Variants in KLF12 observed in about 807,000 individuals in gnomAD.
KLF12 encodes the protein KLF transcription factor 12.
KLF12 carries 9 observed loss-of-function variants against 37.8 expected under a neutral mutation model. The observed-to-expected ratio is 0.24, with a 90% CI of 0.14 to 0.42. KLF12 has a LOEUF of 0.42. Among genes scored for constraint, KLF12 ranks in the 10% least tolerant of loss-of-function variants. The pLI is 1.00. For synonymous variants in KLF12, 208 were observed against 202.1 expected, an observed-to-expected ratio of 1.03 and a Z score of -0.25; for missense variants, 411 against 516.0, an observed-to-expected ratio of 0.80 and a Z score of 1.97.
At chr13:74,025,419 T>C (rs1160605721) in intron 1 of KLF12, among the ~76,000 whole-genome samples, 1 of 152,200 alleles carries the variant, frequency 6.6e-6, no homozygotes, top group East Asian at 1.9e-4. Flanking sequence ...TCTCTGTTGC[T>C]AATCGACTCA....
chr13:74,102,535 T>C (rs1193258356), intron 1 of KLF12, among the ~76,000 whole-genome samples: 3 of 151,752 alleles, frequency 2.0e-5, no homozygotes, highest in Non-Finnish European at 4.4e-5. Flanking sequence ...CTGTCTCTAC[T>C]AAAAATACAA....
At chr13:74,254,719 A>G in the KLF12 span, among the ~76,000 whole-genome samples, 3 of 152,282 alleles carry the variant, frequency 2.0e-5, no homozygotes, top group East Asian at 5.8e-4. Flanking sequence ...GACTCCTTAA[A>G]CAGAATAAAT....
At chr13:74,112,384 TTGTCTGTGTGTGTGTG>T (rs1336587665) in intron 1 of KLF12, among the ~76,000 whole-genome samples, 2 of 145,166 alleles carry the variant, frequency 1.4e-5, no homozygotes, top group African/African-American at 5.2e-5. Context: ...TTTGCAGATA[TTGTCTGTGTGTGTGTG>T]TGTGTGTGTG....
chr13:73,845,965 T>C lies in KLF12; in HGVS notation c.532A>G (p.Asn178Asp). 1 of 1,614,142 alleles carries C rather than the reference T, an allele frequency of 6.2e-7. No homozygotes were observed. The highest frequency in any genetic ancestry group is 8.5e-7 in the Non-Finnish European group (1 of 1,180,010). ...ATGCGGTGAACATGACTCAGTTTGT[T>C]AGACTGTAAATTCATGGGACTTGAA... The change falls in exon 4 of 8, where the codon AAC becomes GAC. Residue 178 changes from asparagine (N) to aspartate (D), a missense_variant. Coordinates refer to ENST00000377669, the MANE Select transcript of KLF12 (RefSeq NM_007249.5).
chr13:74,291,421 AG>A, the KLF12 span, among the ~76,000 whole-genome samples: 2 of 152,236 alleles, frequency 1.3e-5, no homozygotes, highest in African/African-American at 4.8e-5. Flanking sequence ...GAGGCTCAAA[AG>A]TCTCATCATC....
rs1275882716 is a variant in KLF12 at position 73,857,902 on chromosome 13, A to G, written c.124-11529T>C. Among the ~76,000 whole-genome samples the G allele has an allele frequency of 2.6e-5, 4 of 152,180 alleles. No individual in the cohort carries two copies. In the East Asian group the frequency reaches 7.7e-4, roughly 29 times the overall value. On this transcript the variant is annotated intron_variant, in intron 3 of 7. Coordinates refer to ENST00000377669, the MANE Select transcript of KLF12 (RefSeq NM_007249.5). ...GAGAAACAATATTCAATGGCAGGGA[A>G]ACTTTTTGTATAATGTTAAGTGAAA...
chr13:74,071,754 T>A (rs138836839), intron 1 of KLF12, among the ~76,000 whole-genome samples: 4 of 152,226 alleles, frequency 2.6e-5, no homozygotes, highest in African/African-American at 9.6e-5. Flanking sequence ...AAACAAGTAG[T>A]AGCTTAAAGA....
chr13:73,903,944 G>A (rs546157567), intron 3 of KLF12, among the ~76,000 whole-genome samples: 1 of 152,138 alleles, frequency 6.6e-6, no homozygotes, highest in Non-Finnish European at 1.5e-5. Context: ...CACACCTTTG[G>A]TTCCATTCTC....
chr13:73,851,041 T>C (rs1370710481), intron 3 of KLF12, among the ~76,000 whole-genome samples: 1 of 152,236 alleles, frequency 6.6e-6, no homozygotes. Context: ...TCTCTAGGTC[T>C]TAGCTTATCC....
chr13:73,806,694 G>A (rs1477730498), intron 5 of KLF12, among the ~76,000 whole-genome samples: 1 of 151,414 alleles, frequency 6.6e-6, no homozygotes, highest in East Asian at 1.9e-4. Context: ...GAGACCTCTG[G>A]GGAGAGAATA....
At chr13:73,810,428 T>G (rs1168923743) in intron 5 of KLF12, among the ~76,000 whole-genome samples, 1 of 152,112 alleles carries the variant, frequency 6.6e-6, no homozygotes. Context: ...GGAGTAAGCA[T>G]ACTTTTTTTA....
chr13:74,168,877 C>T, the KLF12 span, among the ~76,000 whole-genome samples: 1 of 152,328 alleles, frequency 6.6e-6, no homozygotes, highest in South Asian at 2.1e-4. Context: ...CTTTTGTGCA[C>T]TAATGTTACA....
Position 73,851,924 on chromosome 13 carries a change from T to C in KLF12, c.124-5551A>G, listed in dbSNP as rs137943948. ...GAACATGAAGTGCACAGTAGGTACA[T>C]GGCTTAGTTTTGGTGCCTGGGTTTC... On this transcript the variant is annotated intron_variant, in intron 3 of 7. Transcript: ENST00000377669. 2.8e-3 allele frequency among the ~76,000 whole-genome samples: 431 copies of C among 152,336 alleles called. 4 individuals carry two copies. The highest frequency in any genetic ancestry group is 2.7e-3 in the Non-Finnish European group (181 of 68,022).
the KLF12 span, among the ~76,000 whole-genome samples, chr13:74,283,020 T>G: frequency 6.6e-6 from 1 of 152,232 alleles, no homozygotes; most frequent in East Asian, 1.9e-4. Flanking sequence ...CATATTGTAA[T>G]GATGTAGCAA....
At chr13:74,172,418 C>T in the KLF12 span, among the ~76,000 whole-genome samples, 1 of 152,090 alleles carries the variant, frequency 6.6e-6, no homozygotes, top group Non-Finnish European at 1.5e-5. Flanking sequence ...AGTTTGGAGA[C>T]TCTTATCAGA....
chr13:73,972,262 A>G (rs180888326), intron 2 of KLF12, among the ~76,000 whole-genome samples: 432 of 152,282 alleles, frequency 2.8e-3, no homozygotes, highest in Admixed American at 4.9e-3. Context: ...ACAATAACAA[A>G]CATCAACACC....
the KLF12 span, among the ~76,000 whole-genome samples, chr13:74,279,160 T>G: frequency 6.6e-6 from 1 of 151,996 alleles, no homozygotes; most frequent in South Asian, 2.1e-4. Context: ...GTGCTTAAAA[T>G]CCCCTGGGGG....
chr13:74,299,558 A>G, the KLF12 span, among the ~76,000 whole-genome samples: 136 of 152,300 alleles, frequency 8.9e-4, 1 homozygote, highest in Middle Eastern at 3.4e-3. Context: ...GCAATGATCA[A>G]CAGAAGCAAA....
chr13:74,303,437 T>C, the KLF12 span, among the ~76,000 whole-genome samples: 1 of 152,190 alleles, frequency 6.6e-6, no homozygotes, highest in African/African-American at 2.4e-5. Flanking sequence ...TTTCTTTGTA[T>C]ACCTGTCATT....
Sources: allele counts gnomAD v4.1 joint callset (sites outside exome capture counted in the v4.1 genomes callset), GRCh38; gene constraint gnomAD v4.1.1; transcripts MANE v1.5; gene names NCBI Gene and HGNC (gene_info 2026-07-23, HGNC 2026-07-21).